The following FRMD6 variants were observed in gnomAD, a reference collection of about 807,000 sequenced individuals.
FRMD6 encodes FERM domain containing 6.
A neutral mutation model predicts 73.2 loss-of-function variants in FRMD6; 37 were observed. The ratio of observed to expected loss-of-function variants is 0.51; its 90% confidence interval spans 0.39 to 0.66. FRMD6 has a LOEUF of 0.66. Ranked by LOEUF, FRMD6 falls within the 30% of genes least tolerant of loss-of-function variation. The pLI is 0.00. For missense variants in FRMD6, 714 were observed against 780.5 expected (o/e 0.91, Z 1.02); for synonymous variants, 273 against 282.2 (o/e 0.97, Z 0.33).
At chr14:51,490,888 C>A (rs930546311) in intron 1 of FRMD6, among the ~76,000 whole-genome samples, 1 of 152,192 alleles carries the variant, frequency 6.6e-6, no homozygotes, top group African/African-American at 2.4e-5. Context: ...AAATCCAGTT[C>A]TCCAAGGCCA....
chr14:51,536,876 G>A (rs535949386), intron 1 of FRMD6, among the ~76,000 whole-genome samples: 3 of 152,076 alleles, frequency 2.0e-5, no homozygotes, highest in Non-Finnish European at 2.9e-5. Flanking sequence ...TTTTAAATAG[G>A]CTTTTTAAAA....
chr14:51,646,556 CT>C (rs900672718), intron 2 of FRMD6, among the ~76,000 whole-genome samples: 3 of 151,354 alleles, frequency 2.0e-5, no homozygotes, highest in Non-Finnish European at 2.9e-5. Flanking sequence ...CTGGGGTAAG[CT>C]TTTTTTTCCC....
chr14:51,720,243 G>C lies in FRMD6; in HGVS notation c.1213G>C (p.Asp405His). ...CATTGAGGCAGACACCAAGCCCCGGGACACGGGGCCAGAAGACAGCTACTC... is the reference window on the plus strand; with the variant it reads ...CATTGAGGCAGACACCAAGCCCCGGCACACGGGGCCAGAAGACAGCTACTC... Reference protein sequence around the residue: ...SGIEADTKPRDTGPEDSYSSS... With the variant: ...SGIEADTKPRHTGPEDSYSSS... Residue 405 changes from aspartate to histidine, a missense_variant, in exon 11 of 14, where the codon GAC becomes CAC. By Grantham distance (81) the Asp-to-His change is moderately conservative. Coordinates refer to ENST00000344768, the MANE Select transcript of FRMD6 (RefSeq NM_001267046.2). 6.2e-7 allele frequency: 1 copy of C among 1,613,900 alleles called. No homozygotes were observed. Among genetic ancestry groups the C allele is most frequent in the Non-Finnish European group, 8.5e-7 (1 of 1,179,948 alleles).
intron 2 of FRMD6, among the ~76,000 whole-genome samples, chr14:51,610,431 T>C (rs573838317): frequency 3.2e-4 from 49 of 152,098 alleles, no homozygotes; most frequent in Non-Finnish European, 5.1e-4. Context: ...TAAACATCTG[T>C]TTAATTTTTG....
intron 1 of FRMD6, among the ~76,000 whole-genome samples, chr14:51,507,191 C>T (rs924244859): frequency 5.9e-5 from 9 of 151,726 alleles, no homozygotes; most frequent in African/African-American, 1.2e-4. Flanking sequence ...GCCTTAGCTA[C>T]GGTCGGCTAA....
chr14:51,396,692 G>A, the FRMD6 span, among the ~76,000 whole-genome samples: 3 of 152,184 alleles, frequency 2.0e-5, no homozygotes, highest in East Asian at 1.9e-4. Context: ...CAAGGAGAAG[G>A]CCCAGTTTTC....
At chr14:51,580,215 G>A (rs1888641802) in intron 2 of FRMD6, among the ~76,000 whole-genome samples, 1 of 152,116 alleles carries the variant, frequency 6.6e-6, no homozygotes, top group Non-Finnish European at 1.5e-5. Flanking sequence ...TGAACAACCT[G>A]GGAGGAATGT....
intron 2 of FRMD6, among the ~76,000 whole-genome samples, chr14:51,576,670 A>G (rs948241990): frequency 1.3e-5 from 2 of 151,988 alleles, no homozygotes; most frequent in Non-Finnish European, 2.9e-5. Flanking sequence ...CCCTTGACCC[A>G]TTCTTCAGTT....
chr14:51,581,169 C>A (rs1888702176), intron 2 of FRMD6, among the ~76,000 whole-genome samples: 1 of 152,128 alleles, frequency 6.6e-6, no homozygotes, highest in South Asian at 2.1e-4. Context: ...GTAACCTGCC[C>A]CCATTCCCCT....
chr14:51,586,175 G>C (rs1417373473), intron 2 of FRMD6, among the ~76,000 whole-genome samples: 1 of 151,594 alleles, frequency 6.6e-6, no homozygotes, highest in Non-Finnish European at 1.5e-5. Flanking sequence ...TTCTACAAAG[G>C]TTGTACTAAT....
At chr14:51,705,709 CAAG>C (rs879341880) in intron 6 of FRMD6, among the ~76,000 whole-genome samples, 3 of 152,114 alleles carry the variant, frequency 2.0e-5, no homozygotes, top group Admixed American at 6.5e-5. Context: ...AAGTGTTCCT[CAAG>C]CCATTTCCAT....
At chr14:51,563,235 G>A (rs1887578080) in intron 1 of FRMD6, among the ~76,000 whole-genome samples, 3 of 149,162 alleles carry the variant, frequency 2.0e-5, no homozygotes, top group South Asian at 4.4e-4. Flanking sequence ...AAGAATTATC[G>A]CTTACAAGTC....
At chr14:51,495,418 T>C (rs546040476) in intron 1 of FRMD6, among the ~76,000 whole-genome samples, 1 of 152,298 alleles carries the variant, frequency 6.6e-6, no homozygotes, top group South Asian at 2.1e-4. Flanking sequence ...GTTCAGACCA[T>C]AGCAGGGGAG....
chr14:51,506,412 AAAGAGGCTCC>A, intron 1 of FRMD6, among the ~76,000 whole-genome samples: 1 of 152,364 alleles, frequency 6.6e-6, no homozygotes, highest in East Asian at 1.9e-4. Context: ...ATACTGGCGA[AAAGAGGCTCC>A]AAGAGATTAC....
chr14:51,607,023 C>T (rs532979122), intron 2 of FRMD6, among the ~76,000 whole-genome samples: 15 of 152,178 alleles, frequency 9.9e-5, no homozygotes, highest in African/African-American at 2.7e-4. Context: ...TTATTCTGTC[C>T]GGGTCCCCAG....
chr14:51,469,592 G>A, the FRMD6 span, among the ~76,000 whole-genome samples: 2 of 125,014 alleles, frequency 1.6e-5, no homozygotes, highest in African/African-American at 6.2e-5. Flanking sequence ...CAGCCTGGGC[G>A]ACAGAGCGAG....
the FRMD6 span, among the ~76,000 whole-genome samples, chr14:51,469,632 A>G: frequency 6.6e-6 from 1 of 151,700 alleles, no homozygotes; most frequent in African/African-American, 2.4e-5. Context: ...AAAAAAAAAA[A>G]AAAAAAAGCT....
chr14:51,611,424 TA>T (rs1477074152), intron 2 of FRMD6, among the ~76,000 whole-genome samples: 9 of 152,132 alleles, frequency 5.9e-5, no homozygotes, highest in Non-Finnish European at 1.2e-4. Context: ...AGGGCTGCTT[TA>T]AAAAAGACTG....
intron 2 of FRMD6, among the ~76,000 whole-genome samples, chr14:51,581,104 C>T (rs904458903): frequency 7.9e-5 from 12 of 152,184 alleles, no homozygotes; most frequent in Non-Finnish European, 7.3e-5. Flanking sequence ...GCCCCAGAGT[C>T]TTTCTGCAGC....
Sources: allele counts gnomAD v4.1 joint callset (sites outside exome capture counted in the v4.1 genomes callset), GRCh38; gene constraint gnomAD v4.1.1; transcripts MANE v1.5; gene names NCBI Gene and HGNC (gene_info 2026-07-23, HGNC 2026-07-21).